MKLN1: variants seen among roughly 807,000 people sequenced by gnomAD.
The protein encoded by MKLN1 is muskelin.
MKLN1 carries 18 observed loss-of-function variants against 99.0 expected under a neutral mutation model. That is an observed-to-expected ratio of 0.18 (90% confidence interval 0.13 to 0.27). The LOEUF (loss-of-function observed/expected upper bound fraction) is 0.27. Among genes scored for constraint, MKLN1 ranks in the 10% least tolerant of loss-of-function variants. MKLN1 has a pLI of 1.00. For missense variants in MKLN1, 621 were observed against 875.9 expected (o/e 0.71, Z 3.67); for synonymous variants, 288 against 293.2 (o/e 0.98, Z 0.18).
chr7:131,289,447 G>A (rs781169394), intron 3 of MKLN1, among the ~76,000 whole-genome samples: 6 of 152,130 alleles, frequency 3.9e-5, no homozygotes, highest in Admixed American at 6.5e-5. Context: ...CCAACATAGC[G>A]AGACCTCATC....
At chr7:131,162,191 T>C (rs1470066727) in intron 2 of MKLN1, among the ~76,000 whole-genome samples, 1 of 151,888 alleles carries the variant, frequency 6.6e-6, no homozygotes, top group African/African-American at 2.4e-5. Flanking sequence ...TAGCTGGAAT[T>C]ACAGGCGTGC....
intron 2 of MKLN1, among the ~76,000 whole-genome samples, chr7:131,177,318 A>G (rs975736607): frequency 1.3e-5 from 2 of 152,084 alleles, no homozygotes; most frequent in Non-Finnish European, 2.9e-5. Flanking sequence ...ATACAAAAAA[A>G]TTAGCCAGAC....
chr7:131,460,986 A>G (rs1459585348), intron 12 of MKLN1, among the ~76,000 whole-genome samples: 1 of 152,200 alleles, frequency 6.6e-6, no homozygotes, highest in African/African-American at 2.4e-5. Context: ...CTGAAAATTT[A>G]CCATGCCTTA....
At chr7:131,185,721 G>A (rs1584816924) in intron 2 of MKLN1, among the ~76,000 whole-genome samples, 1 of 152,178 alleles carries the variant, frequency 6.6e-6, no homozygotes, top group Non-Finnish European at 1.5e-5. Context: ...ATGACCTTGG[G>A]AAAATTACCT....
At chr7:131,293,471 A>G (rs1245340835) in intron 3 of MKLN1, among the ~76,000 whole-genome samples, 2 of 152,200 alleles carry the variant, frequency 1.3e-5, no homozygotes, top group Admixed American at 1.3e-4. Flanking sequence ...AGAAAAATGT[A>G]TAGTGAGAGA....
At chr7:131,247,872 TTTTTG>T (rs149673100) in intron 3 of MKLN1, among the ~76,000 whole-genome samples, 54 of 151,644 alleles carry the variant, frequency 3.6e-4, no homozygotes, top group South Asian at 2.7e-3. Flanking sequence ...GCTACTGCCT[TTTTTG>T]TTTTGTTTTG....
At chr7:131,209,790 C>T (rs892651225) in intron 3 of MKLN1, among the ~76,000 whole-genome samples, 1 of 152,182 alleles carries the variant, frequency 6.6e-6, no homozygotes, top group African/African-American at 2.4e-5. Context: ...AGGGGTGACT[C>T]ATTTCTGGCT....
At chr7:131,328,944 T>C (rs1319388212) in intron 1 of MKLN1, among the ~76,000 whole-genome samples, 1 of 152,224 alleles carries the variant, frequency 6.6e-6, no homozygotes, top group Non-Finnish European at 1.5e-5. Flanking sequence ...CAATTTTACA[T>C]GCTAGTGGAG....
intron 1 of MKLN1, among the ~76,000 whole-genome samples, chr7:131,338,351 G>T (rs567517028): frequency 5.3e-5 from 8 of 152,320 alleles, no homozygotes; most frequent in African/African-American, 1.9e-4. Context: ...CAAAAGCTTT[G>T]CTGACTTCTC....
At chr7:131,327,774 A>T, upstream of MKLN1, 1 of 1,431,118 alleles carries the variant, frequency 7.0e-7, no homozygotes, top group Non-Finnish European at 9.1e-7. Flanking sequence ...GGGCTCGGGT[A>T]ACGATGCGGG....
intron 16 of MKLN1, among the ~76,000 whole-genome samples, chr7:131,474,361 T>C (rs2116657733): frequency 6.6e-6 from 1 of 152,292 alleles, no homozygotes; most frequent in South Asian, 2.1e-4. Context: ...GACTCCTGAC[T>C]GGCATTCAGG....
chr7:131,171,412 T>C (rs559138970), intron 2 of MKLN1, among the ~76,000 whole-genome samples: 3 of 152,212 alleles, frequency 2.0e-5, no homozygotes, highest in Non-Finnish European at 4.4e-5. Flanking sequence ...ATAGGGACTT[T>C]CAGTTTTTAC....
chr7:131,354,787 A>G (rs1799825358), intron 1 of MKLN1, among the ~76,000 whole-genome samples: 1 of 152,150 alleles, frequency 6.6e-6, no homozygotes, highest in Non-Finnish European at 1.5e-5. Context: ...GTGAGGCACA[A>G]ATCTAATTTT....
chr7:131,348,032 G>GT (rs1157722653), intron 1 of MKLN1, among the ~76,000 whole-genome samples: 1 of 152,154 alleles, frequency 6.6e-6, no homozygotes, highest in Non-Finnish European at 1.5e-5. Flanking sequence ...ATACATAAGT[G>GT]TGAGTTGTCT....
chr7:131,237,905 G>T (rs902046032), intron 3 of MKLN1, among the ~76,000 whole-genome samples: 3 of 152,182 alleles, frequency 2.0e-5, no homozygotes, highest in Admixed American at 1.3e-4. Flanking sequence ...TCAGCACTTT[G>T]GGAGGCCGAG....
intron 3 of MKLN1, among the ~76,000 whole-genome samples, chr7:131,314,916 C>T (rs1391025953): frequency 6.6e-6 from 1 of 152,078 alleles, no homozygotes; most frequent in African/African-American, 2.4e-5. Context: ...GGACTACAGG[C>T]ACACACCACC....
chr7:131,208,453 G>A (rs965190720), intron 3 of MKLN1, among the ~76,000 whole-genome samples: 1 of 152,072 alleles, frequency 6.6e-6, no homozygotes, highest in Non-Finnish European at 1.5e-5. Flanking sequence ...ACAATAGCTG[G>A]GTGTGGTGGT....
At chr7:131,352,059 A>G (rs1430657579) in intron 1 of MKLN1, among the ~76,000 whole-genome samples, 2 of 152,200 alleles carry the variant, frequency 1.3e-5, no homozygotes, top group South Asian at 2.1e-4. Context: ...TTTAATCACT[A>G]GTTTTCAGCA....
chr7:131,414,505 A>G (rs1794961228), intron 7 of MKLN1, 140 bp from the exon 8 acceptor site: 2 of 505,118 alleles, frequency 4.0e-6, no homozygotes, highest in Admixed American at 3.6e-5. Context: ...TGTTACTTTT[A>G]TGAGTCCTTT....
Sources: gnomAD v4.1 joint callset for allele counts (sites outside exome capture counted in the v4.1 genomes callset) on GRCh38, gnomAD v4.1.1 for gene constraint, MANE v1.5 for transcripts, NCBI Gene and HGNC (gene_info 2026-07-23, HGNC 2026-07-21) for gene names.